The following BMPR2 variants were observed in gnomAD, a reference collection of about 807,000 sequenced individuals.
BMPR2 encodes the protein bone morphogenetic protein receptor type-2.
BMPR2 carries 29 observed loss-of-function variants against 100.8 expected under a neutral mutation model. The ratio of observed to expected loss-of-function variants is 0.29; its 90% confidence interval spans 0.21 to 0.39. The LOEUF is 0.39. BMPR2 is among the 10% of genes least tolerant of loss of function. The pLI is 1.00. For synonymous variants in BMPR2, 382 were observed against 442.3 expected (o/e 0.86, Z 1.71); for missense variants, 1,011 against 1,274.5 (o/e 0.79, Z 3.15).
At chr2:202,476,025 G>T (rs1369515794) in intron 3 of BMPR2, among the ~76,000 whole-genome samples, 1 of 136,318 alleles carries the variant, frequency 7.3e-6, no homozygotes, top group Non-Finnish European at 1.5e-5. Context: ...AGTGAGCCAA[G>T]ATTGCAGCAT....
intron 11 of BMPR2, 108 bp downstream of exon 11, chr2:202,552,996 C>A: frequency 7.6e-7 from 1 of 1,315,820 alleles, no homozygotes; most frequent in Non-Finnish European, 1.1e-6. Context: ...CAATGATTAC[C>A]TCATACAATC....
intron 1 of BMPR2, among the ~76,000 whole-genome samples, chr2:202,429,449 C>G (rs569839200): frequency 6.6e-6 from 1 of 152,134 alleles, no homozygotes; most frequent in African/African-American, 2.4e-5. Flanking sequence ...GCTTATGATA[C>G]GTCCCTTGCT....
In BMPR2 at chr2:202,491,213, C is replaced by T. The variant is rs970671702; in HGVS notation, c.419-22506C>T. On this transcript the variant is annotated intron_variant, in intron 3 of 12. Coordinates refer to ENST00000374580, the MANE Select transcript of BMPR2 (RefSeq NM_001204.7). ...CTGGGACTACACAGATGCGCCACTA[C>T]ACCCGGCTAATCTTTTAATTGTTTG... 4.6e-5 allele frequency among the ~76,000 whole-genome samples: 7 copies of T among 152,118 alleles called. No homozygotes were observed. In the East Asian group the frequency reaches 5.8e-4, roughly 13 times the overall value.
chr2:202,399,948 C>G (rs1418386084), intron 1 of BMPR2, among the ~76,000 whole-genome samples: 2 of 151,812 alleles, frequency 1.3e-5, no homozygotes, highest in Non-Finnish European at 2.9e-5. Flanking sequence ...CCTGTCTGTA[C>G]AAAAAATAAA....
At chr2:202,522,636 C>G (rs1220885920) in intron 7 of BMPR2, among the ~76,000 whole-genome samples, 1 of 152,082 alleles carries the variant, frequency 6.6e-6, no homozygotes, top group Admixed American at 6.6e-5. Flanking sequence ...TCAAAACCAG[C>G]CTAGACAACA....
At position 202,386,838 on chromosome 2, in the gene BMPR2, GC is replaced by G. The variant is rs1355505683; in HGVS notation, c.76+9291del. The stretch of plus-strand genomic sequence containing the variant: ...TGGGATTACAGGCGCGTGCCACCAC[GC>G]CCGGCTAAATTTTTTTTGTATTTTT... On this transcript the variant is annotated intron_variant, in intron 1 of 12. Transcript: ENST00000374580. Among the ~76,000 whole-genome samples, 10 of 152,064 alleles carry G rather than the reference GC, an allele frequency of 6.6e-5. No homozygotes were observed. The East Asian group carries it at 1.4e-3, about 21-fold the overall frequency.
intron 9 of BMPR2, among the ~76,000 whole-genome samples, chr2:202,539,105 TC>T (rs1446457037): frequency 1.3e-5 from 2 of 151,930 alleles, no homozygotes; most frequent in African/African-American, 4.8e-5. Flanking sequence ...AGACAAATGA[TC>T]AGAAAAGTAG....
chr2:202,491,744 C>G (rs924426809), intron 3 of BMPR2, among the ~76,000 whole-genome samples: 5 of 152,174 alleles, frequency 3.3e-5, no homozygotes, highest in Admixed American at 3.3e-4. Context: ...TTATTGCTGA[C>G]TACTGCCTCT....
In BMPR2 at chr2:202,555,431, A is replaced by G. The variant is rs199915496; in HGVS notation, c.1766A>G (p.Tyr589Cys). 1.2e-4 allele frequency: 190 copies of G among 1,614,222 alleles called. No homozygotes were observed. The highest frequency in any genetic ancestry group is 3.5e-4 in the Admixed American group (21 of 60,020). ...IGEKNRNSIN[Y>C]ERQQAQARIP... ...GAAAAAAACCGAAATTCAATTAACT[A>G]TGAACGACAGCAAGCACAAGCTCGA... The change falls in exon 12 of 13, where the codon TAT becomes TGT. Residue 589 changes from tyrosine to cysteine, a missense_variant. Around this residue, in one of 6 missense-constraint regions of BMPR2, gnomAD observed 508 missense variants for 552.0 expected, o/e 0.92. Transcript: ENST00000374580.
chr2:202,502,362 A>G (rs1687411403), intron 3 of BMPR2, among the ~76,000 whole-genome samples: 1 of 151,834 alleles, frequency 6.6e-6, no homozygotes, highest in African/African-American at 2.4e-5. Context: ...AAAGAAAGGG[A>G]CAGGAAGTCA....
intron 10 of BMPR2, among the ~76,000 whole-genome samples, chr2:202,546,206 A>G (rs1033360833): frequency 6.6e-6 from 1 of 152,182 alleles, no homozygotes; most frequent in Non-Finnish European, 1.5e-5. Flanking sequence ...TGACAATCCA[A>G]TACTAGAGTT....
At chr2:202,465,861 A>G (rs190405151) in intron 2 of BMPR2, among the ~76,000 whole-genome samples, 57 of 152,380 alleles carry the variant, frequency 3.7e-4, no homozygotes, top group African/African-American at 1.3e-3. Context: ...TCAAAAAAAA[A>G]AAAATTAGGA....
intron 3 of BMPR2, 142 bp from the exon 4 acceptor site, chr2:202,513,577 T>A: frequency 1.6e-6 from 1 of 610,966 alleles, no homozygotes; most frequent in Non-Finnish European, 2.9e-6. Context: ...TTATTACTAA[T>A]TTTTTCTTTC....
chr2:202,390,257 A>G (rs1236361502), intron 1 of BMPR2, among the ~76,000 whole-genome samples: 1 of 152,086 alleles, frequency 6.6e-6, no homozygotes, highest in Non-Finnish European at 1.5e-5. Context: ...CTTGAAATGA[A>G]CTGCTAGAAT....
intron 3 of BMPR2, among the ~76,000 whole-genome samples, chr2:202,499,783 G>C (rs1182250192): frequency 6.6e-6 from 1 of 152,130 alleles, no homozygotes; most frequent in African/African-American, 2.4e-5. Context: ...TTCTATAATA[G>C]GGACCAAGAG....
At chr2:202,552,586 A>G (rs1688498301) in intron 10 of BMPR2, 130 bp from the exon 11 acceptor site, 1 of 904,624 alleles carries the variant, frequency 1.1e-6, no homozygotes, top group African/African-American at 1.7e-5. Flanking sequence ...AGCCTAAAAT[A>G]TGTTATTAGA....
rs111427186 is a variant in BMPR2 at position 202,520,930 on chromosome 2, A to G, written c.967+729A>G. ...GAGGCTATAGGAAAAGGCTGAAAAG[A>G]ACATAGAGAAGAACATTGACAAATA... On this transcript the variant is annotated intron_variant, in intron 7 of 12. Coordinates refer to ENST00000374580, the MANE Select transcript of BMPR2 (RefSeq NM_001204.7). The G allele has an allele frequency of 3.7e-3, 577 of 154,878 alleles. 4 individuals carry two copies. Among genetic ancestry groups the G allele is most frequent in the African/African-American group, 0.011 (479 of 41,726 alleles). The allele number at this position is 154,878 out of a possible 1,614,324, so 9.6% of individuals were successfully genotyped here.
chr2:202,541,914 C>T (rs1031233386), intron 9 of BMPR2, among the ~76,000 whole-genome samples: 5 of 152,016 alleles, frequency 3.3e-5, no homozygotes, highest in Admixed American at 6.6e-5. Flanking sequence ...GAGTTCAAGA[C>T]CAGCCTGGCC....
chr2:202,510,281 G>C (rs947421296), intron 3 of BMPR2, among the ~76,000 whole-genome samples: 2 of 152,194 alleles, frequency 1.3e-5, no homozygotes, highest in African/African-American at 4.8e-5. Context: ...AGCTGGGTGT[G>C]GTGGCGCGTG....
Sources: gnomAD v4.1 joint callset for allele counts (sites outside exome capture counted in the v4.1 genomes callset) on GRCh38, gnomAD v4.1.1 for gene constraint, gnomAD v4.1.1 regional missense constraint, MANE v1.5 for transcripts, NCBI Gene and HGNC (gene_info 2026-07-23, HGNC 2026-07-21) for gene names.